Variants in UMPS observed in about 807,000 individuals in gnomAD.
UMPS encodes uridine monophosphate synthetase, also known as uridine 5'-monophosphate synthase.
UMPS carries 21 observed loss-of-function variants against 38.9 expected under a neutral mutation model. The ratio of observed to expected loss-of-function variants is 0.54; its 90% CI spans 0.38 to 0.78. UMPS has a LOEUF of 0.78. UMPS is among the 30% of genes least tolerant of loss of function. The pLI, the probability that UMPS is intolerant of heterozygous loss-of-function variation, is 0.00. For missense variants in UMPS, 533 were observed against 591.6 expected, an observed-to-expected ratio of 0.90 and a Z score of 1.03; for synonymous variants, 208 against 219.3, an observed-to-expected ratio of 0.95 and a Z score of 0.45.
intron 4 of UMPS, among the ~76,000 whole-genome samples, chr3:124,741,441 T>C (rs1473849899): frequency 6.6e-6 from 1 of 152,202 alleles, no homozygotes; most frequent in Non-Finnish European, 1.5e-5. Flanking sequence ...AAGAGACTTT[T>C]ATGAATGTGA....
At position 124,746,755 on chromosome 3, in the gene UMPS, TTGTGTGTGTGTG is replaced by T. The variant is rs58981387; in HGVS notation, c.*2702_*2713del. The T allele has an allele frequency of 0.037, 15,676 of 419,862 alleles. 158 individuals are homozygous for T. The highest frequency in any genetic ancestry group is 0.085 in the East Asian group (1,159 of 13,610). The allele number at this position is 419,862 out of a possible 1,614,324, so 26.0% of individuals were successfully genotyped here. A position where few individuals can be genotyped will look rare whatever the true frequency, so the allele number is the denominator to read the frequency against. ...ATTCTGTAGAACATAAGCCCATAGATTGTGTGTGTGTGTGTGTGTGTGTGTGTGTGTGTGTGT... is the reference window on the plus strand; with the variant it reads ...ATTCTGTAGAACATAAGCCCATAGATTGTGTGTGTGTGTGTGTGTGTGTGT... On this transcript the variant is annotated 3_prime_UTR_variant, in exon 6 of 6. Transcript: ENST00000232607.
chr3:124,745,119 A>C lies in UMPS; in HGVS notation c.*1035A>C. 1 of 454,130 alleles carries C rather than the reference A, an allele frequency of 2.2e-6. No homozygotes were observed. The highest frequency in any genetic ancestry group is 1.6e-5 in the South Asian group (1 of 64,472). 28.1% of individuals were successfully genotyped at this position (454,130 alleles called of 1,614,324 possible). ...ATTTGGGTATTTGCTTAAGGATCCC[A>C]CATAATTGTCCCAACGGTCATTAGT... On this transcript the variant is annotated 3_prime_UTR_variant, in exon 6 of 6. Transcript: ENST00000232607.
chr3:124,742,319 C>A, intron 5 of UMPS, 53 bp downstream of exon 5: 1 of 1,334,910 alleles, frequency 7.5e-7, no homozygotes, highest in Non-Finnish European at 1.1e-6. Flanking sequence ...TTACCCATGG[C>A]AGGCAAAATA....
At position 124,748,709 on chromosome 3, in the gene UMPS, C is replaced by A; in HGVS notation, c.*4625C>A. 1 of 450,668 alleles carries A rather than the reference C, an allele frequency of 2.2e-6. No individual in the cohort carries two copies. The highest frequency in any genetic ancestry group is 4.4e-6 in the Non-Finnish European group (1 of 225,106). The allele number at this position is 450,668 out of a possible 1,614,324, so 27.9% of individuals were successfully genotyped here. A position where few individuals can be genotyped will look rare whatever the true frequency, so the allele number is the denominator to read the frequency against. ...GAGGTCTGTGTCATGTTTTTCAGCG[C>A]TGGGGTTGGGGGGAGCCCAGGAGAG... On this transcript the variant is annotated 3_prime_UTR_variant, in exon 6 of 6. Transcript: ENST00000232607.
chr3:124,740,457 CACTT>C (rs781111577), intron 4 of UMPS, among the ~76,000 whole-genome samples: 7 of 152,174 alleles, frequency 4.6e-5, no homozygotes, highest in Non-Finnish European at 1.0e-4. Flanking sequence ...GTCAAACAAA[CACTT>C]ACTAAATCTA....
intron 4 of UMPS, among the ~76,000 whole-genome samples, chr3:124,741,756 G>C (rs539283389): frequency 1.3e-5 from 2 of 152,150 alleles, no homozygotes; most frequent in African/African-American, 4.8e-5. Flanking sequence ...TCTGCTTTAC[G>C]TATGGTTTAT....
rs1433540174 is a variant in UMPS at position 124,748,981 on chromosome 3, C to T, written c.*4897C>T. ...CAACCAAGGTTCTCATGAGGACAAC[C>T]ATGTCTTCGGGGGTGCCCTTGTGCA... On this transcript the variant is annotated 3_prime_UTR_variant, in exon 6 of 6. Coordinates refer to ENST00000232607, the MANE Select transcript of UMPS (RefSeq NM_000373.4). The T allele has an allele frequency of 2.2e-6, 1 of 453,920 alleles. No individual in the cohort carries two copies. Among genetic ancestry groups the T allele is most frequent in the East Asian group, 6.9e-5 (1 of 14,412 alleles). 28.1% of individuals were successfully genotyped at this position (453,920 alleles called of 1,614,324 possible).
intron 4 of UMPS, among the ~76,000 whole-genome samples, chr3:124,740,771 T>A (rs1212904712): frequency 6.6e-6 from 1 of 151,800 alleles, no homozygotes; most frequent in Non-Finnish European, 1.5e-5. Context: ...CATAGTGAGA[T>A]CTCGTCTCTA....
intron 5 of UMPS, chr3:124,742,735 C>T (rs750665141): frequency 8.2e-5 from 14 of 170,052 alleles, no homozygotes; most frequent in Non-Finnish European, 1.7e-4. Context: ...TTTAAGGATT[C>T]GGGTTTATGG....
chr3:124,746,857 T>G lies in UMPS; in HGVS notation c.*2773T>G. ...AACTATTTGGTGCACTTCCTCTTAT[T>G]TTAGAGCTCCCAAAGTGTAGCTCCA... On this transcript the variant is annotated 3_prime_UTR_variant, in exon 6 of 6. Coordinates refer to ENST00000232607, the MANE Select transcript of UMPS (RefSeq NM_000373.4). 1 of 452,800 alleles carries G rather than the reference T, an allele frequency of 2.2e-6. No individual in the cohort carries two copies. The highest frequency in any genetic ancestry group is 4.4e-6 in the Non-Finnish European group (1 of 225,904). The allele number at this position is 452,800 out of a possible 1,614,324, so 28.0% of individuals were successfully genotyped here.
In UMPS at chr3:124,746,285, C is replaced by T. The variant is rs545363136; in HGVS notation, c.*2201C>T. ...CCTGCCACTTACTGAAAGTGTAGGTCCTTGTGCCCCACACCATCAGAGTTT... is the reference window on the plus strand; with the variant it reads ...CCTGCCACTTACTGAAAGTGTAGGTTCTTGTGCCCCACACCATCAGAGTTT... On this transcript the variant is annotated 3_prime_UTR_variant, in exon 6 of 6. Coordinates refer to ENST00000232607, the MANE Select transcript of UMPS (RefSeq NM_000373.4). 2.2e-6 allele frequency: 1 copy of T among 448,514 alleles called. No homozygotes were observed. Among genetic ancestry groups the T allele is most frequent in the South Asian group, 1.6e-5 (1 of 64,444 alleles). The allele number at this position is 448,514 out of a possible 1,614,324, so 27.8% of individuals were successfully genotyped here.
chr3:124,731,186 A>G (rs921865856), intron 1 of UMPS, among the ~76,000 whole-genome samples: 1 of 150,980 alleles, frequency 6.6e-6, no homozygotes, highest in Non-Finnish European at 1.5e-5. Flanking sequence ...AGCCTGGGCG[A>G]CAAGTGAGAC....
chr3:124,739,585 C>T (rs1260724249), intron 3 of UMPS, among the ~76,000 whole-genome samples: 2 of 152,220 alleles, frequency 1.3e-5, no homozygotes, highest in Non-Finnish European at 2.9e-5. Flanking sequence ...CTGCCCACCT[C>T]AGCCTCCCAA....
chr3:124,730,522 C>T lies in UMPS; in HGVS notation c.51C>T (p.Asp17=), dbSNP rs1330362409. The change falls in exon 1 of 6, where the codon GAC becomes GAT. Residue 17 remains aspartate, a synonymous_variant. Transcript: ENST00000232607. ...ALGPLVTGLY[D]VQAFKFGDFV... is the part of the protein sequence containing the mutation. ...GGCCATTGGTGACGGGTCTGTACGA[C>T]GTGCAGGCTTTCAAGTTTGGGGACT... The T allele has an allele frequency of 1.9e-6, 3 of 1,614,146 alleles. No individual in the cohort carries two copies. In the South Asian group the frequency reaches 3.3e-5, roughly 18 times the overall value.
rs1021021774 is a variant in UMPS at position 124,743,939 on chromosome 3, A to G, written c.1298A>G (p.Asn433Ser). Residue 433 changes from asparagine (N) to serine (S), a missense_variant, in exon 6 of 6, where the codon AAT becomes AGT. Asn to Ser is a conservative substitution (Grantham distance 46). Transcript: ENST00000232607. ...GGAGATAATCTTGGCCAACAGTACA[A>G]TAGCCCACAAGAAGTTATTGGCAAA... The part of the protein sequence containing the change: ...AGGDNLGQQY[N>S]SPQEVIGKRG... 6 of 1,614,242 alleles carry G rather than the reference A, an allele frequency of 3.7e-6. No individual in the cohort carries two copies. The highest frequency in any genetic ancestry group is 1.7e-5 in the Admixed American group (1 of 60,034).
At position 124,748,089 on chromosome 3, in the gene UMPS, T is replaced by C. The variant is rs968456637; in HGVS notation, c.*4005T>C. The C allele has an allele frequency of 3.6e-6, 1 of 280,876 alleles. No homozygotes were observed. The highest frequency in any genetic ancestry group is 2.3e-5 in the African/African-American group (1 of 42,900). 17.4% of individuals were successfully genotyped at this position (280,876 alleles called of 1,614,324 possible). A position where few individuals can be genotyped will look rare whatever the true frequency, so the allele number is the denominator to read the frequency against. ...TAAAATATATATTTTAACAGTTATA[T>C]ATATTAGATATAATATATAATAGTA... is the stretch of plus-strand genomic sequence containing the variant. On this transcript the variant is annotated 3_prime_UTR_variant, in exon 6 of 6. Transcript: ENST00000232607.
rs375821728 is a variant in UMPS at position 124,738,194 on chromosome 3, C to T, written c.937C>T (p.Arg313Trp). 2.3e-5 allele frequency: 37 copies of T among 1,613,860 alleles called. No individual in the cohort carries two copies. Among genetic ancestry groups the T allele is most frequent in the Middle Eastern group, 1.6e-4 (1 of 6,084 alleles). Reference protein sequence around the residue: ...KCHEFLIFEDRKFADIGNTVK... With the variant: ...KCHEFLIFEDWKFADIGNTVK... The stretch of plus-strand genomic sequence containing the variant: ...CCATGAGTTCTTGATATTTGAAGAC[C>T]GGAAGTTTGCAGATATAGGAAACAC... The change falls in exon 3 of 6, where the codon CGG becomes TGG. Residue 313 changes from arginine to tryptophan, a missense_variant. Transcript: ENST00000232607.
Position 124,738,161 on chromosome 3 carries a change from G to A in UMPS, c.904G>A (p.Ala302Thr). Residue 302 changes from alanine (A) to threonine (T), a missense_variant, in exon 3 of 6, where the codon GCA becomes ACA. Ala to Thr is a moderately conservative substitution (Grantham distance 58). Transcript: ENST00000232607. ...TGTGATGAAGGAGTTGATAACTCTG[G>A]CAAAATGCCATGAGTTCTTGATATT... ...LDVMKELITLAKCHEFLIFED... is the reference protein window; with the variant it reads ...LDVMKELITLTKCHEFLIFED... 1 of 1,614,176 alleles carries A rather than the reference G, an allele frequency of 6.2e-7. No homozygotes were observed. Among genetic ancestry groups the A allele is most frequent in the South Asian group, 1.1e-5 (1 of 91,082 alleles).
Position 124,747,200 on chromosome 3 carries a change from AT to A in UMPS, c.*3122del. 2.2e-6 allele frequency: 1 copy of A among 453,420 alleles called. No individual in the cohort carries two copies. Among genetic ancestry groups the A allele is most frequent in the Admixed American group, 2.4e-5 (1 of 42,542 alleles). 28.1% of individuals were successfully genotyped at this position (453,420 alleles called of 1,614,324 possible). A position where few individuals can be genotyped will look rare whatever the true frequency, so the allele number is the denominator to read the frequency against. ...CCACCACAGCTGGTTAATTTTTAAAATTTTTTGTAGAGACGGTGGAGGAGGT... is the reference window on the plus strand; with the variant it reads ...CCACCACAGCTGGTTAATTTTTAAAATTTTTGTAGAGACGGTGGAGGAGGT... On this transcript the variant is annotated 3_prime_UTR_variant, in exon 6 of 6. Transcript: ENST00000232607.
Sources: allele counts gnomAD v4.1 joint callset (sites outside exome capture counted in the v4.1 genomes callset), GRCh38; gene constraint gnomAD v4.1.1; transcripts MANE v1.5; gene names NCBI Gene and HGNC (gene_info 2026-07-23, HGNC 2026-07-21).